ANKHD1: variants seen among roughly 807,000 people sequenced by gnomAD.
ANKHD1 encodes the protein ankyrin repeat and KH domain-containing protein 1.
In ANKHD1, 31 loss-of-function variants were observed where a neutral mutation model predicts 230.5. The ratio of observed to expected loss-of-function variants is 0.13; its 90% CI spans 0.10 to 0.18. The LOEUF is 0.18. ANKHD1 is among the 10% of genes least tolerant of loss of function. The pLI is 1.00. For missense variants in ANKHD1, 2,256 were observed against 3,071.3 expected (o/e 0.73, Z 6.27); for synonymous variants, 1,074 against 1,117.6 (o/e 0.96, Z 0.78).
chr5:140,506,878 G>A lies in ANKHD1; in HGVS notation c.3452G>A (p.Arg1151Lys). 1.2e-6 allele frequency: 2 copies of A among 1,614,062 alleles called. No individual in the cohort carries two copies. The highest frequency in any genetic ancestry group is 1.7e-6 in the Non-Finnish European group (2 of 1,179,994). ...LLARGANKEH[R>K]NVSDYTPLSL... is the part of the protein sequence containing the mutation. The stretch of plus-strand genomic sequence containing the variant: ...GCTCGAGGTGCAAATAAAGAACATA[G>A]GAACGTATCTGATTATACACCACTG... The change falls in exon 19 of 34, where the codon AGG becomes AAG. Residue 1151 changes from arginine (R) to lysine (K), a missense_variant. Transcript: ENST00000360839. This position sits in a 1 kb window ranked among gnomAD's most constrained non-coding sequence, Gnocchi z 4.7.
intron 1 of ANKHD1, among the ~76,000 whole-genome samples, chr5:140,408,745 G>A (rs1770682279): frequency 6.6e-6 from 1 of 151,850 alleles, no homozygotes; most frequent in South Asian, 2.1e-4. Context: ...TTTTTGCCCA[G>A]GCTGGCTGTT....
chr5:140,442,670 A>T (rs1356257125), intron 5 of ANKHD1, among the ~76,000 whole-genome samples: 1 of 152,124 alleles, frequency 6.6e-6, no homozygotes, highest in East Asian at 1.9e-4. Context: ...TGATTTACTT[A>T]ATTTTTTATC....
At chr5:140,495,853 G>T (rs1752009459) in intron 14 of ANKHD1, among the ~76,000 whole-genome samples, 1 of 152,108 alleles carries the variant, frequency 6.6e-6, no homozygotes, top group East Asian at 1.9e-4. Flanking sequence ...TCATTTAAAT[G>T]CAAGTTGTCC....
intron 15 of ANKHD1, among the ~76,000 whole-genome samples, chr5:140,498,438 C>T (rs11746609): frequency 0.017 from 2,540 of 152,136 alleles, 41 homozygotes; most frequent in Admixed American, 0.041. Flanking sequence ...GTGATATTGC[C>T]TTTGAGGCTC....
intron 7 of ANKHD1, among the ~76,000 whole-genome samples, chr5:140,451,208 A>G (rs1172611360): frequency 4.0e-5 from 6 of 151,644 alleles, no homozygotes; most frequent in Non-Finnish European, 7.4e-5. Context: ...AGTAAATTCA[A>G]GTAAAACAAT....
chr5:140,468,740 A>G (rs1294133187), intron 10 of ANKHD1, among the ~76,000 whole-genome samples: 2 of 152,096 alleles, frequency 1.3e-5, no homozygotes, highest in African/African-American at 4.8e-5. Context: ...ATTCTTTTTC[A>G]CAGGTACCCA....
intron 30 of ANKHD1, 84 bp from the exon 31 acceptor site, chr5:140,537,305 T>G: frequency 6.6e-7 from 1 of 1,525,518 alleles, no homozygotes; most frequent in Middle Eastern, 1.9e-4. Context: ...TTTTTATATG[T>G]AATAAAACAA....
At chr5:140,472,292 T>G (rs1776548566) in intron 10 of ANKHD1, 2 of 1,613,534 alleles carry the variant, frequency 1.2e-6, no homozygotes, top group South Asian at 2.2e-5. Flanking sequence ...CGGCCAAGCA[T>G]CAGGTGAGGG....
chr5:140,439,821 C>T (rs1456753465), intron 3 of ANKHD1, among the ~76,000 whole-genome samples: 2 of 152,046 alleles, frequency 1.3e-5, no homozygotes, highest in South Asian at 4.1e-4. Context: ...GTGGGTTGGA[C>T]ATGCTTGGTC....
In ANKHD1 at chr5:140,485,517, A is replaced by C; in HGVS notation, c.1999-72A>C. 6.3e-7 allele frequency: 1 copy of C among 1,586,722 alleles called. No individual in the cohort carries two copies. The highest frequency in any genetic ancestry group is 8.6e-7 in the Non-Finnish European group (1 of 1,168,016). On this transcript the variant is annotated intron_variant, in intron 12 of 33. Transcript: ENST00000360839. The surrounding 1 kb of genome is among the most constrained non-coding windows in gnomAD (Gnocchi z 4.8). ...TAGTGCTTAGTATTTAATACTGTTT[A>C]AATGAGTTTTGATTTTATATGAGCT...
At chr5:140,411,934 A>G (rs952765911) in intron 1 of ANKHD1, among the ~76,000 whole-genome samples, 6 of 151,562 alleles carry the variant, frequency 4.0e-5, no homozygotes, top group African/African-American at 1.5e-4. Context: ...ATCACGGCTC[A>G]GGCAGCCTTG....
At position 140,445,723 on chromosome 5, in the gene ANKHD1, T is replaced by C; in HGVS notation, c.914-19T>C. On this transcript the variant is annotated intron_variant, in intron 5 of 33. Coordinates refer to ENST00000360839, the MANE Select transcript of ANKHD1 (RefSeq NM_017747.3). ...TATATATTCTGCTCATGTATTATATTTCTTCTTCTTCTTTTTAGGAAACAC... is the reference window on the plus strand; with the variant it reads ...TATATATTCTGCTCATGTATTATATCTCTTCTTCTTCTTTTTAGGAAACAC... 1 of 1,543,970 alleles carries C rather than the reference T, an allele frequency of 6.5e-7. No individual in the cohort carries two copies. The highest frequency in any genetic ancestry group is 8.8e-7 in the Non-Finnish European group (1 of 1,142,752).
chr5:140,415,149 C>G (rs1406589618), intron 1 of ANKHD1, among the ~76,000 whole-genome samples: 1 of 151,754 alleles, frequency 6.6e-6, no homozygotes, highest in Non-Finnish European at 1.5e-5. Context: ...TTTGGGGGGC[C>G]GAGGCGGGCC....
chr5:140,431,204 A>G (rs1230779794), intron 1 of ANKHD1, among the ~76,000 whole-genome samples: 1 of 152,234 alleles, frequency 6.6e-6, no homozygotes, highest in Non-Finnish European at 1.5e-5. Flanking sequence ...GATTGATACA[A>G]ATGTATTCAT....
At chr5:140,470,203 A>G (rs1776388316) in intron 10 of ANKHD1, among the ~76,000 whole-genome samples, 1 of 152,040 alleles carries the variant, frequency 6.6e-6, no homozygotes. Context: ...TTCTTTCATT[A>G]TACTTAAACA....
chr5:140,438,749 G>T, intron 3 of ANKHD1, 132 bp downstream of exon 3: 1 of 1,220,904 alleles, frequency 8.2e-7, no homozygotes. Context: ...ATTTTAAGTG[G>T]ATATATAAAT....
chr5:140,407,659 A>C (rs1192347903), intron 1 of ANKHD1, among the ~76,000 whole-genome samples: 2 of 152,144 alleles, frequency 1.3e-5, no homozygotes, highest in Non-Finnish European at 2.9e-5. Flanking sequence ...AAAAATGCAG[A>C]GATTACAAGT....
intron 10 of ANKHD1, 105 bp from the exon 11 acceptor site, chr5:140,482,475 T>C: frequency 7.9e-7 from 1 of 1,264,498 alleles, no homozygotes; most frequent in South Asian, 1.4e-5. Flanking sequence ...CTACAATGAG[T>C]AAGTATATTA....
At chr5:140,459,654 A>G (rs1323398874) in intron 9 of ANKHD1, among the ~76,000 whole-genome samples, 5 of 145,746 alleles carry the variant, frequency 3.4e-5, no homozygotes, top group African/African-American at 9.8e-5. Flanking sequence ...CACCACAAAT[A>G]TGTGAGGTGA....
Sources: gnomAD v4.1 joint callset for allele counts (sites outside exome capture counted in the v4.1 genomes callset) on GRCh38, gnomAD v4.1.1 for gene constraint, Gnocchi (gnomAD v3.1) non-coding constraint, MANE v1.5 for transcripts, NCBI Gene and HGNC (gene_info 2026-07-23, HGNC 2026-07-21) for gene names.